The following XRCC4 variants were observed in gnomAD, a reference collection of about 807,000 sequenced individuals.
The protein encoded by XRCC4 is X-ray repair cross complementing 4.
Under a neutral mutation model 39.1 loss-of-function variants are expected in XRCC4, and 28 were observed. The observed-to-expected ratio is 0.72, with a 90% CI of 0.53 to 0.98. The LOEUF is 0.98. Ranked by LOEUF, XRCC4 falls within the 50% of genes least tolerant of loss-of-function variation. The pLI is 0.00. For missense variants in XRCC4, 350 were observed against 376.4 expected, an observed-to-expected ratio of 0.93 and a Z score of 0.58; for synonymous variants, 123 against 126.4, an observed-to-expected ratio of 0.97 and a Z score of 0.18.
intron 7 of XRCC4, among the ~76,000 whole-genome samples, chr5:83,307,633 G>A (rs1755534560): frequency 6.6e-6 from 1 of 152,272 alleles, no homozygotes; most frequent in East Asian, 1.9e-4. Flanking sequence ...GGTGAATGGT[G>A]GAAGCAAGGC....
chr5:83,117,574 T>C (rs1222011587), intron 3 of XRCC4, among the ~76,000 whole-genome samples: 2 of 152,062 alleles, frequency 1.3e-5, no homozygotes, highest in Non-Finnish European at 2.9e-5. Context: ...GTGCAATTTT[T>C]AAGTGATTTC....
At position 83,203,595 on chromosome 5, in the gene XRCC4, C is replaced by T. The variant is rs778422015; in HGVS notation, c.526C>T (p.Leu176Phe). Residue 176 changes from leucine (L) to phenylalanine (F), a missense_variant, in exon 5 of 8, where the codon CTT becomes TTT. Transcript: ENST00000396027. ...VSAKEALETD[L>F]YKRFILVLNE... ...TGCTAAGGAAGCTTTGGAGACTGAT[C>T]TTTATAAGCGGTTTATTCTGGTGTT... 1 of 1,605,168 alleles carries T rather than the reference C, an allele frequency of 6.2e-7. No individual in the cohort carries two copies. Among genetic ancestry groups the T allele is most frequent in the South Asian group, 1.1e-5 (1 of 88,094 alleles).
intron 6 of XRCC4, among the ~76,000 whole-genome samples, chr5:83,208,051 G>T (rs977243917): frequency 6.6e-6 from 1 of 151,938 alleles, no homozygotes; most frequent in Non-Finnish European, 1.5e-5. Context: ...ATATAATTTG[G>T]TAGTTATTTT....
At chr5:83,154,461 C>T (rs1247396545) in intron 3 of XRCC4, among the ~76,000 whole-genome samples, 2 of 152,130 alleles carry the variant, frequency 1.3e-5, no homozygotes, top group Non-Finnish European at 2.9e-5. Flanking sequence ...ATTCCCAAAT[C>T]TGAAAGAATC....
chr5:83,351,201 G>A (rs534790097), intron 7 of XRCC4, among the ~76,000 whole-genome samples: 2 of 152,170 alleles, frequency 1.3e-5, no homozygotes, highest in South Asian at 4.2e-4. Flanking sequence ...TCTACCGTGA[G>A]GCTTCTCAGC....
chr5:83,152,467 G>A (rs1309144058), intron 3 of XRCC4, among the ~76,000 whole-genome samples: 4 of 151,592 alleles, frequency 2.6e-5, no homozygotes, highest in East Asian at 1.9e-4. Flanking sequence ...ACCCTGTCTC[G>A]ACTAAAAATA....
At chr5:83,231,549 G>T (rs1008837556) in intron 6 of XRCC4, among the ~76,000 whole-genome samples, 1 of 152,022 alleles carries the variant, frequency 6.6e-6, no homozygotes, top group African/African-American at 2.4e-5. Context: ...TATCTGCCAT[G>T]TTTAAATACC....
intron 7 of XRCC4, among the ~76,000 whole-genome samples, chr5:83,311,669 G>A (rs1030655810): frequency 2.0e-5 from 3 of 151,992 alleles, no homozygotes; most frequent in African/African-American, 7.2e-5. Flanking sequence ...CATTTTGGTA[G>A]AGTTTCTCAT....
intron 3 of XRCC4, among the ~76,000 whole-genome samples, chr5:83,145,515 G>A (rs1407466762): frequency 6.6e-6 from 1 of 152,162 alleles, no homozygotes; most frequent in Non-Finnish European, 1.5e-5. Context: ...TGAAATTTCA[G>A]GTCAGTTCTT....
chr5:83,197,940 C>G (rs757054963), intron 4 of XRCC4, among the ~76,000 whole-genome samples: 3 of 152,100 alleles, frequency 2.0e-5, no homozygotes, highest in Non-Finnish European at 1.5e-5. Context: ...TTTCAGAGGA[C>G]AGAGGCCACT....
At chr5:83,161,056 G>A (rs1749181651) in intron 3 of XRCC4, among the ~76,000 whole-genome samples, 1 of 151,906 alleles carries the variant, frequency 6.6e-6, no homozygotes, top group Non-Finnish European at 1.5e-5. Context: ...TGAGGAAACT[G>A]ATGCAGTGAA....
chr5:83,190,470 G>A (rs1206723130), intron 3 of XRCC4, among the ~76,000 whole-genome samples: 1 of 152,104 alleles, frequency 6.6e-6, no homozygotes, highest in Non-Finnish European at 1.5e-5. Context: ...TGGCCGTTAT[G>A]CACCTAGTAA....
the XRCC4 span, among the ~76,000 whole-genome samples, chr5:83,363,487 C>G: frequency 7.2e-3 from 1,098 of 152,236 alleles, 12 homozygotes; most frequent in African/African-American, 0.025. Context: ...AAGGCACAAC[C>G]ACACGCACTC....
At chr5:83,294,248 G>C (rs951970454) in intron 7 of XRCC4, among the ~76,000 whole-genome samples, 7 of 151,922 alleles carry the variant, frequency 4.6e-5, no homozygotes, top group African/African-American at 1.7e-4. Context: ...GAACTTGCAG[G>C]TCATTTTTTG....
intron 7 of XRCC4, among the ~76,000 whole-genome samples, chr5:83,294,009 C>A: frequency 6.6e-6 from 1 of 151,732 alleles, no homozygotes; most frequent in East Asian, 1.9e-4. Flanking sequence ...TTTAAAATCT[C>A]TTTTCCAAAA....
At chr5:83,341,732 A>G (rs554843524) in intron 7 of XRCC4, among the ~76,000 whole-genome samples, 18 of 152,296 alleles carry the variant, frequency 1.2e-4, no homozygotes, top group Non-Finnish European at 1.2e-4. Flanking sequence ...TCCTGGCTCC[A>G]TTACCGACTT....
intron 4 of XRCC4, among the ~76,000 whole-genome samples, chr5:83,201,005 C>T (rs1751167607): frequency 6.6e-6 from 1 of 152,058 alleles, no homozygotes; most frequent in Non-Finnish European, 1.5e-5. Flanking sequence ...ACTTCTTTCT[C>T]AGAGAACTTT....
intron 3 of XRCC4, among the ~76,000 whole-genome samples, chr5:83,134,935 T>C (rs1228449794): frequency 6.6e-6 from 1 of 152,100 alleles, no homozygotes; most frequent in African/African-American, 2.4e-5. Flanking sequence ...GAAATCAGCA[T>C]TGACCACGAA....
intron 3 of XRCC4, among the ~76,000 whole-genome samples, chr5:83,112,093 G>A (rs1026635026): frequency 5.9e-5 from 9 of 152,080 alleles, no homozygotes; most frequent in African/African-American, 1.7e-4. Flanking sequence ...ATATTATCGT[G>A]TAGGGAATAA....
Sources: allele counts gnomAD v4.1 joint callset (sites outside exome capture counted in the v4.1 genomes callset), GRCh38; gene constraint gnomAD v4.1.1; transcripts MANE v1.5; gene names NCBI Gene and HGNC (gene_info 2026-07-23, HGNC 2026-07-21).